The following CCDC32 variants were observed in gnomAD, a reference collection of about 807,000 sequenced individuals.
CCDC32 encodes coiled-coil domain containing 32, also known as coiled-coil domain-containing protein 32.
In CCDC32, 9 loss-of-function variants were observed where a neutral mutation model predicts 20.1. That is an observed-to-expected ratio of 0.45 (90% CI 0.27 to 0.78). The LOEUF (loss-of-function observed/expected upper bound fraction) is 0.78, where lower values mean the gene tolerates loss of function less well. Ranked by LOEUF, CCDC32 falls within the 30% of genes least tolerant of loss-of-function variation. The pLI is 0.16. For missense variants in CCDC32, 204 were observed against 215.5 expected (o/e 0.95, Z 0.33); for synonymous variants, 63 against 79.0 (o/e 0.80, Z 1.07).
intron 2 of CCDC32, among the ~76,000 whole-genome samples, chr15:40,561,197 G>A (rs140932834): frequency 2.4e-4 from 37 of 152,252 alleles, no homozygotes; most frequent in South Asian, 4.1e-4. Flanking sequence ...TATATTGGCC[G>A]GGCACGGTGG....
chr15:40,539,294 G>GT lies in CCDC32; in HGVS notation c.462_463insA (p.His155ThrfsTer5). On this transcript the variant is annotated frameshift_variant, in exon 4 of 4. Coordinates refer to the CCDC32 transcript ENST00000558113. LOFTEE classifies it high-confidence loss of function. Reference sequence around the variant, plus strand: ...CGCCACCTCTGCTCAGCACACTGGTGGCTGTCCCACGCTCCATCCTCAGAA... The same window carrying GT: ...CGCCACCTCTGCTCAGCACACTGGTGTGCTGTCCCACGCTCCATCCTCAGAA... The GT allele has an allele frequency of 6.5e-7, 1 of 1,535,632 alleles. No individual in the cohort carries two copies. The highest frequency in any genetic ancestry group is 8.7e-7 in the Non-Finnish European group (1 of 1,146,750).
At chr15:40,563,340 G>A (rs1595896871) in intron 1 of CCDC32, among the ~76,000 whole-genome samples, 1 of 152,064 alleles carries the variant, frequency 6.6e-6, no homozygotes, top group African/African-American at 2.4e-5. Flanking sequence ...TCCAGCCTGG[G>A]TGACATTGCG....
downstream of CCDC32, among the ~76,000 whole-genome samples, chr15:40,530,507 T>C (rs976799991): frequency 1.5e-5 from 2 of 129,930 alleles, no homozygotes; most frequent in African/African-American, 5.7e-5. Context: ...CTCTCTCTGG[T>C]TGTTTAAAAG....
downstream of CCDC32, among the ~76,000 whole-genome samples, chr15:40,552,186 G>A (rs1889909402): frequency 6.6e-6 from 1 of 151,496 alleles, no homozygotes; most frequent in South Asian, 2.1e-4. Context: ...AATAAAGAAG[G>A]AAAAAAGAGG....
chr15:40,528,131 A>T (rs987823498), downstream of CCDC32, among the ~76,000 whole-genome samples: 8 of 152,250 alleles, frequency 5.3e-5, no homozygotes, highest in African/African-American at 1.7e-4. Context: ...TCTAAAGTGT[A>T]AACTGAGAGA....
At position 40,562,890 on chromosome 15, in the gene CCDC32, G is replaced by A. The variant is rs145100102; in HGVS notation, c.126C>T (p.Ser42=). The A allele has an allele frequency of 1.2e-6, 2 of 1,614,074 alleles. No individual in the cohort carries two copies. The highest frequency in any genetic ancestry group is 1.7e-6 in the Non-Finnish European group (2 of 1,180,056). ...CACCTTCAGGGCAAGAATCCACAAA[G>A]GAGTCTGAGAATGCATTGTTGGCAC... The part of the protein sequence containing the change: ...EDGANNAFSD[S]FVDSCPEGEG... Residue 42 remains serine (S), a synonymous_variant, in exon 2 of 4, where the codon TCC becomes TCT. Transcript: ENST00000416810.
At chr15:40,550,037 G>A (rs1030231206), downstream of CCDC32, among the ~76,000 whole-genome samples, 4 of 152,180 alleles carry the variant, frequency 2.6e-5, no homozygotes, top group Non-Finnish European at 5.9e-5. Context: ...TTCTGGATCA[G>A]GTATTGGATG....
chr15:40,549,858 G>A (rs1214543638), downstream of CCDC32, among the ~76,000 whole-genome samples: 1 of 152,134 alleles, frequency 6.6e-6, no homozygotes, highest in African/African-American at 2.4e-5. Context: ...CATGTGGCTG[G>A]GGCTGTTCTC....
chr15:40,563,260 G>A (rs1890778586), intron 1 of CCDC32, among the ~76,000 whole-genome samples: 1 of 152,178 alleles, frequency 6.6e-6, no homozygotes, highest in Non-Finnish European at 1.5e-5. Context: ...CTACTCCGGA[G>A]GCTGAGGTAG....
chr15:40,532,258 T>G (rs1210394194), downstream of CCDC32: 2 of 703,240 alleles, frequency 2.8e-6, no homozygotes, highest in Non-Finnish European at 5.2e-6. Context: ...ACTATTGTCC[T>G]GGCATCAGGT....
chr15:40,544,031 A>G (rs1378252555), intron 3 of CCDC32, among the ~76,000 whole-genome samples: 1 of 152,146 alleles, frequency 6.6e-6, no homozygotes, highest in Non-Finnish European at 1.5e-5. Flanking sequence ...GGGGTTTTCC[A>G]TACCACTTTC....
chr15:40,543,452 T>C (rs1178616112), intron 3 of CCDC32, among the ~76,000 whole-genome samples: 1 of 152,064 alleles, frequency 6.6e-6, no homozygotes, highest in African/African-American at 2.4e-5. Context: ...TTGTTTTTGT[T>C]GTTGTTGTTG....
At chr15:40,555,205 G>A (rs2278889) in intron 3 of CCDC32, among the ~76,000 whole-genome samples, 134,549 of 152,266 alleles carry the variant, frequency 0.88, 59,760 homozygotes, top group Non-Finnish European at 0.93. Context: ...CAATGAGAGC[G>A]GCTGATTGAC....
chr15:40,564,890 G>T, intron 1 of CCDC32, 86 bp downstream of exon 1: 1 of 1,387,008 alleles, frequency 7.2e-7, no homozygotes, highest in Non-Finnish European at 1.0e-6. Context: ...GGATGAATCA[G>T]GTCCCAAGGC....
chr15:40,523,694 A>C (rs139503892), downstream of CCDC32, among the ~76,000 whole-genome samples: 1 of 152,344 alleles, frequency 6.6e-6, no homozygotes, highest in African/African-American at 2.4e-5. Context: ...TCAATAAACA[A>C]ATGAAAATAT....
At chr15:40,527,633 T>C (rs1002155047), downstream of CCDC32, among the ~76,000 whole-genome samples, 3 of 152,204 alleles carry the variant, frequency 2.0e-5, no homozygotes, top group Non-Finnish European at 2.9e-5. Flanking sequence ...GGTTCTTTCA[T>C]TCATAAATTC....
At chr15:40,525,221 G>C (rs1051040920), downstream of CCDC32, among the ~76,000 whole-genome samples, 1 of 151,970 alleles carries the variant, frequency 6.6e-6, no homozygotes, top group African/African-American at 2.4e-5. Context: ...GTTGAGATGG[G>C]GTTTTACCAT....
At chr15:40,544,531 T>C (rs1038515363) in intron 3 of CCDC32, among the ~76,000 whole-genome samples, 24 of 152,260 alleles carry the variant, frequency 1.6e-4, no homozygotes, top group Non-Finnish European at 3.2e-4. Flanking sequence ...TGGCATCTAT[T>C]ATATGGGGTT....
chr15:40,547,836 T>A (rs1179845241), intron 3 of CCDC32, among the ~76,000 whole-genome samples: 2 of 152,164 alleles, frequency 1.3e-5, no homozygotes, highest in East Asian at 1.9e-4. Context: ...GTCCCTCCCT[T>A]TCCTGACCTG....
Sources: gnomAD v4.1 joint callset for allele counts (sites outside exome capture counted in the v4.1 genomes callset) on GRCh38, gnomAD v4.1.1 for gene constraint, MANE v1.5 for transcripts, NCBI Gene and HGNC (gene_info 2026-07-23, HGNC 2026-07-21) for gene names.